Variants in SEMA3D observed in about 807,000 individuals in gnomAD.
SEMA3D encodes the protein semaphorin 3D.
SEMA3D carries 84 observed loss-of-function variants against 100.1 expected under a neutral mutation model. The observed-to-expected ratio is 0.84, with a 90% CI of 0.70 to 1.01. The LOEUF is 1.01. Ranked by LOEUF, SEMA3D falls within the 50% of genes least tolerant of loss-of-function variation. SEMA3D has a pLI of 0.00. For synonymous variants in SEMA3D, 312 were observed against 320.7 expected (o/e 0.97, Z 0.29); for missense variants, 875 against 934.1 (o/e 0.94, Z 0.82).
chr7:85,054,679 C>A (rs1194395497), intron 9 of SEMA3D, among the ~76,000 whole-genome samples: 1 of 151,976 alleles, frequency 6.6e-6, no homozygotes, highest in Non-Finnish European at 1.5e-5. Context: ...TGTTCAGAAG[C>A]CTGAGGGTAC....
chr7:85,015,574 G>A lies in SEMA3D; in HGVS notation c.1546-358C>T, dbSNP rs188129918. On this transcript the variant is annotated intron_variant, in intron 15 of 18. Coordinates refer to ENST00000284136, the MANE Select transcript of SEMA3D (RefSeq NM_001384900.1). ...CACAGATGCTATAGGCAAAGCTCAC[G>A]GTCTTCCCAAGACTTCCCATGGCTC... Among the ~76,000 whole-genome samples, 10 of 151,834 alleles carry A rather than the reference G, an allele frequency of 6.6e-5. No individual in the cohort carries two copies. In the East Asian group the frequency reaches 1.4e-3, roughly 21 times the overall value.
chr7:85,151,351 C>T (rs1406759293), intron 2 of SEMA3D, among the ~76,000 whole-genome samples: 1 of 151,816 alleles, frequency 6.6e-6, no homozygotes, highest in Non-Finnish European at 1.5e-5. Flanking sequence ...TAAACATCTC[C>T]AAGTTTATAC....
At chr7:85,150,417 C>T (rs575296323) in intron 2 of SEMA3D, among the ~76,000 whole-genome samples, 4 of 137,494 alleles carry the variant, frequency 2.9e-5, no homozygotes, top group East Asian at 2.1e-4. Flanking sequence ...TATATATATA[C>T]ACACACACAC....
At chr7:85,002,192 C>T (rs1789672805) in intron 18 of SEMA3D, among the ~76,000 whole-genome samples, 1 of 152,092 alleles carries the variant, frequency 6.6e-6, no homozygotes, top group Admixed American at 6.6e-5. Flanking sequence ...ACCTGGCATT[C>T]CATTACACGG....
At chr7:85,191,259 T>C (rs2534866), upstream of SEMA3D, among the ~76,000 whole-genome samples, 27,886 of 152,090 alleles carry the variant, frequency 0.18, 2,773 homozygotes, top group Non-Finnish European at 0.23. Flanking sequence ...GTCTATATGG[T>C]TGTTGCAGAT....
intron 2 of SEMA3D, among the ~76,000 whole-genome samples, chr7:85,139,508 A>G (rs1431242614): frequency 6.6e-6 from 1 of 152,056 alleles, no homozygotes; most frequent in Non-Finnish European, 1.5e-5. Flanking sequence ...CCATGTAATA[A>G]TATTTCTGTC....
chr7:85,035,776 AT>A (rs1480677829), intron 12 of SEMA3D, among the ~76,000 whole-genome samples: 1 of 152,074 alleles, frequency 6.6e-6, no homozygotes, highest in Admixed American at 6.6e-5. Flanking sequence ...AATTAAAAAA[AT>A]GAGTCCTGAA....
the SEMA3D span, among the ~76,000 whole-genome samples, chr7:85,203,009 C>A: frequency 5.9e-5 from 9 of 152,170 alleles, no homozygotes; most frequent in African/African-American, 1.9e-4. Flanking sequence ...AAAGACAGTT[C>A]ATCTGTGGTA....
At chr7:85,091,157 GGAAGGAAGGAAGGAAA>G (rs554032226) in intron 4 of SEMA3D, among the ~76,000 whole-genome samples, 11,852 of 142,302 alleles carry the variant, frequency 0.083, 1,227 homozygotes, top group African/African-American at 0.25. Flanking sequence ...AAGGAGGGAA[GGAAGGAAGGAAGGAAA>G]GAAGGAAGGA....
chr7:85,044,863 A>G (rs1790962891), intron 9 of SEMA3D, among the ~76,000 whole-genome samples: 2 of 152,072 alleles, frequency 1.3e-5, no homozygotes, highest in East Asian at 1.9e-4. Context: ...TTGGTTTTTG[A>G]ATAATTTTTA....
At chr7:85,135,949 A>C (rs1268269617) in intron 2 of SEMA3D, among the ~76,000 whole-genome samples, 1 of 152,084 alleles carries the variant, frequency 6.6e-6, no homozygotes, top group Non-Finnish European at 1.5e-5. Flanking sequence ...TCCATTAAGC[A>C]TTTATCCTGT....
At position 85,135,627 on chromosome 7, in the gene SEMA3D, C is replaced by T. The variant is rs935518600; in HGVS notation, c.-40-13696G>A. On this transcript the variant is annotated intron_variant, in intron 2 of 18. Coordinates refer to ENST00000284136, the MANE Select transcript of SEMA3D (RefSeq NM_001384900.1). The stretch of plus-strand genomic sequence containing the variant: ...ATATGTAACAAACCTGCACATTGTG[C>T]ACATGTACCCTAGAACTTTAAGTAT... Among the ~76,000 whole-genome samples the T allele has an allele frequency of 3.3e-5, 5 of 150,282 alleles. No individual in the cohort carries two copies. The Admixed American group carries it at 3.3e-4, about 10-fold the overall frequency.
chr7:85,152,525 G>A (rs564471457), intron 2 of SEMA3D, among the ~76,000 whole-genome samples: 1 of 152,024 alleles, frequency 6.6e-6, no homozygotes, highest in Admixed American at 6.6e-5. Flanking sequence ...TATAGTAAAA[G>A]AAAAATGAGA....
At chr7:85,066,678 A>G (rs1382476918) in intron 7 of SEMA3D, among the ~76,000 whole-genome samples, 2 of 152,176 alleles carry the variant, frequency 1.3e-5, no homozygotes, top group Non-Finnish European at 2.9e-5. Flanking sequence ...TTTAGACTTT[A>G]TAAATGCCTA....
chr7:85,195,214 G>T, the SEMA3D span, among the ~76,000 whole-genome samples: 503 of 151,986 alleles, frequency 3.3e-3, 12 homozygotes, highest in Admixed American at 0.031. Context: ...CCCTTATTCT[G>T]CCCCTTATTT....
the SEMA3D span, among the ~76,000 whole-genome samples, chr7:85,234,381 T>G: frequency 6.6e-5 from 10 of 152,222 alleles, no homozygotes; most frequent in African/African-American, 2.4e-4. Context: ...AGTAGTTTCC[T>G]ATCATACTGT....
At chr7:85,224,747 A>G in the SEMA3D span, among the ~76,000 whole-genome samples, 1 of 152,090 alleles carries the variant, frequency 6.6e-6, no homozygotes, top group Non-Finnish European at 1.5e-5. Context: ...ATAAACATAT[A>G]GTCAAATAAA....
chr7:85,133,494 T>C (rs1254890044), intron 2 of SEMA3D, among the ~76,000 whole-genome samples: 2 of 151,970 alleles, frequency 1.3e-5, no homozygotes, highest in Non-Finnish European at 2.9e-5. Flanking sequence ...GTTCTAAAAC[T>C]AGCGCAACGT....
chr7:85,146,750 T>G (rs1037778314), intron 2 of SEMA3D, among the ~76,000 whole-genome samples: 3 of 151,630 alleles, frequency 2.0e-5, no homozygotes, highest in Non-Finnish European at 2.9e-5. Flanking sequence ...TCAGGAAAAA[T>G]GTACAATAAA....
Sources: allele counts gnomAD v4.1 joint callset (sites outside exome capture counted in the v4.1 genomes callset), GRCh38; gene constraint gnomAD v4.1.1; transcripts MANE v1.5; gene names NCBI Gene and HGNC (gene_info 2026-07-23, HGNC 2026-07-21).